The following ENPP6 variants were observed in gnomAD, a reference collection of about 807,000 sequenced individuals.
ENPP6 encodes the protein ectonucleotide pyrophosphatase/phosphodiesterase 6, also known as glycerophosphocholine cholinephosphodiesterase ENPP6.
A neutral mutation model predicts 42.0 loss-of-function variants in ENPP6; 32 were observed. That is an observed-to-expected ratio of 0.76 (90% CI 0.58 to 1.02). ENPP6 has a LOEUF of 1.02. Among genes scored for constraint, ENPP6 ranks in the 50% least tolerant of loss-of-function variants. The probability of loss-of-function intolerance (pLI) is 0.00; values close to 1 mark genes in which losing one functional copy is unlikely to be tolerated. For synonymous variants in ENPP6, 213 were observed against 216.0 expected, an observed-to-expected ratio of 0.99 and a Z score of 0.12; for missense variants, 552 against 566.8, an observed-to-expected ratio of 0.97 and a Z score of 0.27.
chr4:184,208,634 A>C (rs1470463878), intron 1 of ENPP6, among the ~76,000 whole-genome samples: 3 of 149,962 alleles, frequency 2.0e-5, no homozygotes, highest in Non-Finnish European at 4.5e-5. Context: ...GTCTGAGATC[A>C]AACTGCAAGG....
At chr4:184,097,199 TC>T in intron 7 of ENPP6, 45 bp downstream of exon 7, 1 of 1,611,898 alleles carries the variant, frequency 6.2e-7, no homozygotes, top group South Asian at 1.1e-5. Context: ...TACAGACACT[TC>T]CTTGGGAATG....
intron 1 of ENPP6, among the ~76,000 whole-genome samples, chr4:184,164,043 G>GGCTGTGGGC (rs1260393897): frequency 1.7e-4 from 26 of 152,232 alleles, no homozygotes; most frequent in African/African-American, 6.0e-4. Context: ...GACAGCACAG[G>GGCTGTGGGC]GACCTGGGCT....
At chr4:184,176,277 G>A (rs1737560202) in intron 1 of ENPP6, among the ~76,000 whole-genome samples, 1 of 152,158 alleles carries the variant, frequency 6.6e-6, no homozygotes, top group African/African-American at 2.4e-5. Flanking sequence ...CAGCTAACAG[G>A]TACCAAATAC....
At chr4:184,175,601 G>A (rs529036277) in intron 1 of ENPP6, among the ~76,000 whole-genome samples, 3 of 152,264 alleles carry the variant, frequency 2.0e-5, no homozygotes, top group South Asian at 2.1e-4. Flanking sequence ...TCTATATGTT[G>A]TGAACCTGTG....
At chr4:184,134,131 G>GATTTATTTATTT (rs60164895) in intron 2 of ENPP6, among the ~76,000 whole-genome samples, 2,278 of 147,280 alleles carry the variant, frequency 0.015, 44 homozygotes, top group East Asian at 0.089. Flanking sequence ...TTATGGAAGT[G>GATTTATTTATTT]ATTTATTTAT....
chr4:184,169,636 G>A (rs1373642358), intron 1 of ENPP6, among the ~76,000 whole-genome samples: 1 of 152,180 alleles, frequency 6.6e-6, no homozygotes, highest in Non-Finnish European at 1.5e-5. Flanking sequence ...CCTGGCTGTG[G>A]AGGGCACCAG....
At chr4:184,106,321 C>CTGTAAT (rs1156980786) in intron 6 of ENPP6, among the ~76,000 whole-genome samples, 3 of 152,156 alleles carry the variant, frequency 2.0e-5, no homozygotes, top group African/African-American at 7.2e-5. Context: ...AGGCATGAGC[C>CTGTAAT]ACCATGTCCG....
In ENPP6 at chr4:184,153,794, G is replaced by C; in HGVS notation, c.242-61C>G. The C allele has an allele frequency of 2.6e-6, 4 of 1,554,002 alleles. No individual in the cohort carries two copies. The South Asian group carries it at 5.0e-5, about 19-fold the overall frequency. On this transcript the variant is annotated intron_variant, in intron 1 of 7. Transcript: ENST00000296741. ...TCTGGTGGTTTCTATTTTTATCTTT[G>C]TTTCTTGATCATATAAGCCATTCGT...
intron 6 of ENPP6, among the ~76,000 whole-genome samples, chr4:184,106,980 T>C (rs1022915310): frequency 2.0e-5 from 3 of 152,130 alleles, no homozygotes; most frequent in African/African-American, 7.2e-5. Context: ...CATTTTGCTG[T>C]GTTGTGCCTG....
chr4:184,203,002 G>T (rs953588274), intron 1 of ENPP6, among the ~76,000 whole-genome samples: 3 of 152,086 alleles, frequency 2.0e-5, no homozygotes, highest in African/African-American at 7.2e-5. Flanking sequence ...CCAGCACTTT[G>T]GGAGGCCAAA....
intron 1 of ENPP6, among the ~76,000 whole-genome samples, chr4:184,213,223 G>A (rs1733144851): frequency 6.6e-6 from 1 of 152,050 alleles, no homozygotes; most frequent in Non-Finnish European, 1.5e-5. Context: ...GGCAACCAAA[G>A]CCAAAATTGA....
chr4:184,146,408 C>T lies in ENPP6; in HGVS notation c.421+7146G>A, dbSNP rs561573340. On this transcript the variant is annotated intron_variant, in intron 2 of 7. Coordinates refer to ENST00000296741, the MANE Select transcript of ENPP6 (RefSeq NM_153343.4). Reference sequence around the variant, plus strand: ...TTGCGCCACTGCACTCCAGCCTGGGCTCCAGAGCGAGACTCCGTTTCAAAA... The same window carrying T: ...TTGCGCCACTGCACTCCAGCCTGGGTTCCAGAGCGAGACTCCGTTTCAAAA... 1.3e-4 allele frequency among the ~76,000 whole-genome samples: 19 copies of T among 148,110 alleles called. No individual in the cohort carries two copies. In the East Asian group the frequency reaches 3.2e-3, roughly 25 times the overall value.
At chr4:184,200,034 C>A (rs575427131) in intron 1 of ENPP6, among the ~76,000 whole-genome samples, 53 of 152,338 alleles carry the variant, frequency 3.5e-4, no homozygotes, top group African/African-American at 1.2e-3. Context: ...TACACATATG[C>A]AATGGACTGA....
chr4:184,109,572 C>G (rs979071245), intron 6 of ENPP6, among the ~76,000 whole-genome samples: 8 of 152,002 alleles, frequency 5.3e-5, no homozygotes, highest in Non-Finnish European at 1.2e-4. Flanking sequence ...TAGTGAGCAA[C>G]CCTCATCTTT....
intron 1 of ENPP6, among the ~76,000 whole-genome samples, chr4:184,186,955 A>T (rs1448988002): frequency 6.6e-6 from 1 of 152,160 alleles, no homozygotes; most frequent in Non-Finnish European, 1.5e-5. Flanking sequence ...CTGCGCCACG[A>T]CCTACAGGAC....
At chr4:184,202,952 T>C (rs1056867269) in intron 1 of ENPP6, among the ~76,000 whole-genome samples, 1 of 152,140 alleles carries the variant, frequency 6.6e-6, no homozygotes, top group Non-Finnish European at 1.5e-5. Context: ...ACTGATAAAA[T>C]ATTAACACTC....
intron 6 of ENPP6, among the ~76,000 whole-genome samples, chr4:184,103,354 A>G (rs1417293073): frequency 6.6e-6 from 1 of 152,240 alleles, no homozygotes; most frequent in Non-Finnish European, 1.5e-5. Flanking sequence ...GAACTGGGGA[A>G]CACCGTTGAA....
Position 184,091,293 on chromosome 4 carries a change from T to G in ENPP6, c.1207A>C (p.Asn403His), listed in dbSNP as rs1735785671. ...ATCACCCTGGACCAGGATCCGTTGT[T>G]GGGCAGCGGGGTGATGCCCACCACA... Reference protein sequence around the residue: ...CNVVGITPLPNNGSWSRVMCM... With the variant: ...CNVVGITPLPHNGSWSRVMCM... The change falls in exon 8 of 8, where the codon AAC becomes CAC. Residue 403 changes from asparagine to histidine, a missense_variant. Physicochemically the swap from Asn to His is moderately conservative, Grantham distance 68. Around this residue, in one of 2 missense-constraint regions of ENPP6, gnomAD observed 545 missense variants for 546.3 expected, o/e 1.00. Transcript: ENST00000296741. 1 of 1,613,916 alleles carries G rather than the reference T, an allele frequency of 6.2e-7. No homozygotes were observed. Among genetic ancestry groups the G allele is most frequent in the Admixed American group, 1.7e-5 (1 of 59,992 alleles).
At chr4:184,188,299 G>A (rs776329172) in intron 1 of ENPP6, among the ~76,000 whole-genome samples, 11 of 152,152 alleles carry the variant, frequency 7.2e-5, no homozygotes, top group African/African-American at 2.4e-4. Flanking sequence ...GGAGGTTGGC[G>A]TCTGTGGGGT....
Sources: allele counts gnomAD v4.1 joint callset (sites outside exome capture counted in the v4.1 genomes callset), GRCh38; gene constraint gnomAD v4.1.1; regional missense constraint gnomAD v4.1.1; transcripts MANE v1.5; gene names NCBI Gene and HGNC (gene_info 2026-07-23, HGNC 2026-07-21).